PDGFRA: variants seen among roughly 807,000 people sequenced by gnomAD.
PDGFRA encodes the protein platelet derived growth factor receptor alpha.
PDGFRA carries 25 observed loss-of-function variants against 121.5 expected under a neutral mutation model. The ratio of observed to expected loss-of-function variants is 0.21; its 90% CI spans 0.15 to 0.29. PDGFRA has a LOEUF of 0.29. Among genes scored for constraint, PDGFRA ranks in the 10% least tolerant of loss-of-function variants. The probability of loss-of-function intolerance (pLI) is 1.00; values close to 1 mark genes in which losing one functional copy is unlikely to be tolerated. For missense variants in PDGFRA, 1,008 were observed against 1,345.1 expected, an observed-to-expected ratio of 0.75 and a Z score of 3.92; for synonymous variants, 463 against 494.8, an observed-to-expected ratio of 0.94 and a Z score of 0.85.
intron 1 of PDGFRA, among the ~76,000 whole-genome samples, chr4:54,244,859 A>G (rs1721537316): frequency 6.6e-6 from 1 of 152,232 alleles, no homozygotes; most frequent in Non-Finnish European, 1.5e-5. Flanking sequence ...TAACCAATAC[A>G]GAGAAGTGCT....
chr4:54,262,874 A>G (rs1027621706), intron 3 of PDGFRA, among the ~76,000 whole-genome samples: 2 of 152,294 alleles, frequency 1.3e-5, no homozygotes, highest in African/African-American at 2.4e-5. Flanking sequence ...AGATTGTCCA[A>G]AAATTCTTCT....
At chr4:54,275,970 C>T (rs1473414339) in intron 12 of PDGFRA, among the ~76,000 whole-genome samples, 3 of 152,192 alleles carry the variant, frequency 2.0e-5, no homozygotes, top group Non-Finnish European at 2.9e-5. Context: ...ACTAGACTGC[C>T]TTTGCGGGAC....
chr4:54,290,663 C>A, intron 22 of PDGFRA, 109 bp downstream of exon 22: 1 of 1,267,098 alleles, frequency 7.9e-7, no homozygotes, highest in Non-Finnish European at 1.2e-6. Flanking sequence ...TAAATATGTA[C>A]TCAGGGACAA....
At chr4:54,293,418 A>ACCTAGAATTT (rs1724726245) in intron 22 of PDGFRA, among the ~76,000 whole-genome samples, 2 of 142,066 alleles carry the variant, frequency 1.4e-5, no homozygotes, top group African/African-American at 5.1e-5. Context: ...GGTGATCATT[A>ACCTAGAATTT]CCTAGAATTT....
At chr4:54,238,505 A>G (rs901491442) in intron 1 of PDGFRA, among the ~76,000 whole-genome samples, 1 of 152,206 alleles carries the variant, frequency 6.6e-6, no homozygotes, top group Non-Finnish European at 1.5e-5. Flanking sequence ...ATGAGTTAGC[A>G]TCAGAGGAGT....
chr4:54,277,525 C>CGGGGATTTTTTGAGCAT (rs1560482888), intron 13 of PDGFRA, 33 bp downstream of exon 13: 3 of 1,455,416 alleles, frequency 2.1e-6, no homozygotes, highest in East Asian at 4.5e-5. Context: ...TTTTTGAGCA[C>CGGGGATTTTTTGAGCAT]GGGGATTTTT....
intron 2 of PDGFRA, 49 bp from the exon 3 acceptor site, chr4:54,261,046 G>A: frequency 6.5e-7 from 1 of 1,529,014 alleles, no homozygotes; most frequent in Non-Finnish European, 9.1e-7. Context: ...GTCGGGATGA[G>A]ACTGTCCTTT....
intron 7 of PDGFRA, among the ~76,000 whole-genome samples, chr4:54,268,524 A>G (rs1723163759): frequency 6.6e-6 from 1 of 152,226 alleles, no homozygotes; most frequent in East Asian, 1.9e-4. Context: ...TCAGAAAGAC[A>G]AAGTCAGTCC....
In PDGFRA at chr4:54,261,245, C is replaced by T; in HGVS notation, c.200C>T (p.Ser67Phe). Residue 67 changes from serine to phenylalanine, a missense_variant, in exon 3 of 23, where the codon TCC becomes TTC. This residue lies in a region of PDGFRA where 575 missense variants were observed against 701.8 expected (regional missense o/e 0.82). Transcript: ENST00000257290. Reference sequence around the variant, plus strand: ...TACCCCATGTCTGAAGAAGAGAGCTCCGATGTGGAAATCAGAAATGAAGAA... The same window carrying T: ...TACCCCATGTCTGAAGAAGAGAGCTTCGATGTGGAAATCAGAAATGAAGAA... ...WQYPMSEEES[S>F]DVEIRNEENN... The T allele has an allele frequency of 1.2e-6, 2 of 1,614,030 alleles. No homozygotes were observed. Among genetic ancestry groups the T allele is most frequent in the East Asian group, 4.5e-5 (2 of 44,860 alleles).
chr4:54,261,931 A>ATATATTTT (rs57094735), intron 3 of PDGFRA, among the ~76,000 whole-genome samples: 38 of 58,410 alleles, frequency 6.5e-4, no homozygotes, highest in Admixed American at 2.7e-3. Flanking sequence ...ATATATATAT[A>ATATATTTT]TTTTTTTTTT....
At chr4:54,288,938 CTG>C (rs761445050) in intron 20 of PDGFRA, 40 bp downstream of exon 20, 2 of 1,545,578 alleles carry the variant, frequency 1.3e-6, no homozygotes, top group African/African-American at 2.7e-5. Context: ...TGTTCACAGT[CTG>C]TGGGTCTAGG....
chr4:54,257,531 A>C (rs892760196), intron 1 of PDGFRA, among the ~76,000 whole-genome samples: 1 of 152,208 alleles, frequency 6.6e-6, no homozygotes, highest in Non-Finnish European at 1.5e-5. Flanking sequence ...GATCTGGTGC[A>C]TCCCAGGCCA....
intron 6 of PDGFRA, 25 bp downstream of exon 6, chr4:54,267,485 A>G: frequency 6.2e-7 from 1 of 1,613,964 alleles, no homozygotes; most frequent in South Asian, 1.1e-5. Flanking sequence ...CTAAAATGTC[A>G]GTTGTCCATG....
chr4:54,249,144 A>G (rs1721891158), intron 1 of PDGFRA, among the ~76,000 whole-genome samples: 1 of 152,180 alleles, frequency 6.6e-6, no homozygotes, highest in East Asian at 1.9e-4. Flanking sequence ...GGGACTGTAA[A>G]CTAGTTCAAC....
chr4:54,263,212 AAC>A (rs1388397422), intron 3 of PDGFRA, among the ~76,000 whole-genome samples: 4 of 152,232 alleles, frequency 2.6e-5, no homozygotes, highest in Non-Finnish European at 5.9e-5. Context: ...TCCTGTTTTA[AAC>A]AGAGTTGGAC....
At chr4:54,267,481 T>C (rs1723098716) in intron 6 of PDGFRA, 21 bp downstream of exon 6, 1 of 1,614,076 alleles carries the variant, frequency 6.2e-7, no homozygotes, top group Non-Finnish European at 8.5e-7. Context: ...CTTTCTAAAA[T>C]GTCAGTTGTC....
In PDGFRA at chr4:54,270,625, T is replaced by C. The variant is rs753405046; in HGVS notation, c.1122-8T>C. On this transcript the variant is annotated splice_polypyrimidine_tract_variant and splice_region_variant and intron_variant, in intron 7 of 22. Coordinates refer to ENST00000257290, the MANE Select transcript of PDGFRA (RefSeq NM_006206.6). ...CTGCTTGTTGAAACAAAATCCTTTT[T>C]TTAAAAGGTATCGAAGCAAATTAAA... The C allele has an allele frequency of 4.6e-6, 7 of 1,526,206 alleles. No homozygotes were observed. The South Asian group carries it at 5.6e-5, about 12-fold the overall frequency. The allele number at this position is 1,526,206 out of a possible 1,614,324, so 94.5% of individuals were successfully genotyped here. A position where few individuals can be genotyped will look rare whatever the true frequency, so the allele number is the denominator to read the frequency against.
intron 1 of PDGFRA, among the ~76,000 whole-genome samples, chr4:54,254,011 T>TG: frequency 6.6e-6 from 1 of 152,292 alleles, no homozygotes. Flanking sequence ...TATAGTGCCA[T>TG]GTTTCTCAGA....
chr4:54,256,713 T>TA (rs1722394663), intron 1 of PDGFRA, among the ~76,000 whole-genome samples: 1 of 151,516 alleles, frequency 6.6e-6, no homozygotes, highest in African/African-American at 2.4e-5. Context: ...ATACGGGTGA[T>TA]AAAGACCCCA....
Sources: allele counts gnomAD v4.1 joint callset (sites outside exome capture counted in the v4.1 genomes callset), GRCh38; gene constraint gnomAD v4.1.1; regional missense constraint gnomAD v4.1.1; transcripts MANE v1.5; gene names NCBI Gene and HGNC (gene_info 2026-07-23, HGNC 2026-07-21).